Variants in OR1B1 observed in about 807,000 individuals in gnomAD.
OR1B1 encodes the protein olfactory receptor family 1 subfamily B member 1.
For synonymous variants in OR1B1, 168 were observed against 156.2 expected, an observed-to-expected ratio of 1.08 and a Z score of -0.57; for missense variants, 414 against 402.1, an observed-to-expected ratio of 1.03 and a Z score of -0.25.
rs1455634123 is a variant in OR1B1, at chr9:122,628,933, A to G, written c.603T>C (p.Asn201=). 3.1e-6 allele frequency: 5 copies of G among 1,611,290 alleles called. 1 individual carries two copies. In the South Asian group the frequency reaches 3.3e-5, roughly 11 times the overall value. ...CACCCTCAAAGAATATGGCCAGCTC[A>G]TTAGAATGTATGTCAGAACAAGAGG... The change falls in exon 1 of 1, where the codon AAT becomes AAC. Residue 201 remains asparagine (N), a synonymous_variant. Transcript: ENST00000623530.
the OR1B1 span, among the ~76,000 whole-genome samples, chr9:122,638,771 G>A: frequency 6.6e-6 from 1 of 152,124 alleles, no homozygotes; most frequent in African/African-American, 2.4e-5. Context: ...CTGGTTCTCT[G>A]TCTCACTATA....
the OR1B1 span, among the ~76,000 whole-genome samples, chr9:122,635,429 T>C: frequency 6.6e-6 from 1 of 152,212 alleles, no homozygotes; most frequent in African/African-American, 2.4e-5. Context: ...GTAGGATGGA[T>C]GTCTAGAGGT....
chr9:122,649,468 C>A, the OR1B1 span, among the ~76,000 whole-genome samples: 1 of 152,150 alleles, frequency 6.6e-6, no homozygotes, highest in South Asian at 2.1e-4. Context: ...AACAGGCAAC[C>A]TACAGAATGG....
chr9:122,628,679 G>T, exon 1 of OR1B1: 1 of 1,613,046 alleles, frequency 6.2e-7, no homozygotes, highest in Non-Finnish European at 8.5e-7. Flanking sequence ...AGGTGTAATG[G>T]CAGTATACAT....
At chr9:122,650,255 G>T in the OR1B1 span, among the ~76,000 whole-genome samples, 1 of 152,018 alleles carries the variant, frequency 6.6e-6, no homozygotes, top group Admixed American at 6.6e-5. Flanking sequence ...GTCGGTGGGT[G>T]GGGGGCTAGA....
the OR1B1 span, among the ~76,000 whole-genome samples, chr9:122,645,603 T>A: frequency 2.0e-5 from 3 of 152,250 alleles, no homozygotes; most frequent in Admixed American, 1.3e-4. Flanking sequence ...AGTGGAAACC[T>A]TACAGGCCAG....
At chr9:122,649,175 G>A in the OR1B1 span, among the ~76,000 whole-genome samples, 1 of 152,164 alleles carries the variant, frequency 6.6e-6, no homozygotes, top group Non-Finnish European at 1.5e-5. Flanking sequence ...TTAATAAATG[G>A]TGTTGGGAAA....
chr9:122,628,756 G>T, exon 1 of OR1B1: 1 of 1,614,126 alleles, frequency 6.2e-7, no homozygotes, highest in South Asian at 1.1e-5. Flanking sequence ...CACAAATGAT[G>T]GTGCCGTAGA....
At chr9:122,644,676 T>C in the OR1B1 span, among the ~76,000 whole-genome samples, 1 of 152,184 alleles carries the variant, frequency 6.6e-6, no homozygotes, top group Non-Finnish European at 1.5e-5. Context: ...GAGAAAAGAA[T>C]AAGAGTCTCT....
chr9:122,651,128 A>T, the OR1B1 span, among the ~76,000 whole-genome samples: 1 of 152,222 alleles, frequency 6.6e-6, no homozygotes, highest in Non-Finnish European at 1.5e-5. Flanking sequence ...AAATTTTTAA[A>T]ATTAAAACAT....
chr9:122,645,376 G>A, the OR1B1 span, among the ~76,000 whole-genome samples: 1 of 151,918 alleles, frequency 6.6e-6, no homozygotes, highest in Non-Finnish European at 1.5e-5. Context: ...TATTCAAAAG[G>A]AAAATAACAG....
At chr9:122,647,681 C>T in the OR1B1 span, among the ~76,000 whole-genome samples, 1 of 152,072 alleles carries the variant, frequency 6.6e-6, no homozygotes, top group Admixed American at 6.6e-5. Context: ...AAAGTGAATC[C>T]AGGTTTTTCA....
chr9:122,638,146 C>T, the OR1B1 span, among the ~76,000 whole-genome samples: 1,296 of 152,170 alleles, frequency 8.5e-3, 21 homozygotes, highest in African/African-American at 0.03. Context: ...ATAAAACATA[C>T]ATAGTGAAAT....
At chr9:122,654,097 T>A in the OR1B1 span, among the ~76,000 whole-genome samples, 144 of 152,264 alleles carry the variant, frequency 9.5e-4, no homozygotes, top group African/African-American at 3.4e-3. Context: ...TGAAAAGGGC[T>A]CTAATGGGGA....
upstream of OR1B1, chr9:122,629,671 C>T (rs1017463270): frequency 8.5e-6 from 5 of 590,816 alleles, no homozygotes; most frequent in Non-Finnish European, 1.5e-5. Flanking sequence ...CGAACTTGAC[C>T]ATCTACTCTC....
chr9:122,640,848 A>G, the OR1B1 span, among the ~76,000 whole-genome samples: 11 of 152,218 alleles, frequency 7.2e-5, no homozygotes, highest in Admixed American at 2.6e-4. Context: ...TTATTTATCC[A>G]TCCATTTATT....
upstream of OR1B1, among the ~76,000 whole-genome samples, chr9:122,633,808 T>C (rs1367472697): frequency 6.6e-6 from 1 of 151,768 alleles, no homozygotes; most frequent in Non-Finnish European, 1.5e-5. Context: ...GACATGCCTG[T>C]GGTCCCAGCT....
the OR1B1 span, among the ~76,000 whole-genome samples, chr9:122,646,280 AAAAG>A: frequency 6.6e-6 from 1 of 152,126 alleles, no homozygotes; most frequent in African/African-American, 2.4e-5. Flanking sequence ...AGGAAGGAAA[AAAAG>A]AAAGAGAAGA....
At chr9:122,634,335 C>CA (rs754164135), upstream of OR1B1, among the ~76,000 whole-genome samples, 2,943 of 86,564 alleles carry the variant, frequency 0.034, 99 homozygotes, top group African/African-American at 0.09. Flanking sequence ...AACTCCATCT[C>CA]AAAAAAAAAA....
Sources: gnomAD v4.1 joint callset for allele counts (sites outside exome capture counted in the v4.1 genomes callset) on GRCh38, gnomAD v4.1.1 for gene constraint, MANE v1.5 for transcripts, NCBI Gene and HGNC (gene_info 2026-07-23, HGNC 2026-07-21) for gene names.